The following SIPA1L2 variants were observed in gnomAD, a reference collection of about 807,000 sequenced individuals.
SIPA1L2 encodes the protein signal-induced proliferation-associated 1-like protein 2.
Under a neutral mutation model 163.9 loss-of-function variants are expected in SIPA1L2, and 56 were observed. The ratio of observed to expected loss-of-function variants is 0.34; its 90% CI spans 0.28 to 0.43. The LOEUF (loss-of-function observed/expected upper bound fraction) is 0.43. Among genes scored for constraint, SIPA1L2 ranks in the 20% least tolerant of loss-of-function variants. The pLI, the probability that SIPA1L2 is intolerant of heterozygous loss-of-function variation, is 1.00. For missense variants in SIPA1L2, 1,974 were observed against 2,193.5 expected (o/e 0.90, Z 2.00); for synonymous variants, 877 against 865.7 (o/e 1.01, Z -0.23).
intron 2 of SIPA1L2, among the ~76,000 whole-genome samples, chr1:232,531,091 G>C (rs1656891830): frequency 6.6e-6 from 1 of 152,128 alleles, no homozygotes; most frequent in Admixed American, 6.5e-5. Context: ...TAGGTGCCAA[G>C]CACTTTCTAA....
intron 1 of SIPA1L2, among the ~76,000 whole-genome samples, chr1:232,581,687 A>G (rs1485763393): frequency 2.6e-5 from 4 of 152,312 alleles, no homozygotes; most frequent in South Asian, 4.1e-4. Context: ...ATTCCTTAAT[A>G]TGGCCCAAGT....
At chr1:232,548,234 A>C (rs10495329) in intron 2 of SIPA1L2, among the ~76,000 whole-genome samples, 22,844 of 152,250 alleles carry the variant, frequency 0.15, 1,932 homozygotes, top group Middle Eastern at 0.32. Flanking sequence ...TGGATTCTAT[A>C]AAGCACAGAT....
chr1:232,441,930 C>T (rs1054469014), intron 12 of SIPA1L2, 62 bp from the exon 13 acceptor site: 43 of 1,395,758 alleles, frequency 3.1e-5, no homozygotes, highest in African/African-American at 5.7e-5. Flanking sequence ...AGCATGCACA[C>T]GGGAGTGCTG....
At chr1:232,529,544 C>A (rs925838835) in intron 2 of SIPA1L2, among the ~76,000 whole-genome samples, 18 of 152,268 alleles carry the variant, frequency 1.2e-4, no homozygotes, top group Non-Finnish European at 1.5e-5. Flanking sequence ...CTCAAGGGTG[C>A]CAGAATACAG....
Position 232,465,493 on chromosome 1 carries a change from T to TAC in SIPA1L2, c.2244-78_2244-77insGT, listed in dbSNP as rs1339800053. On this transcript the variant is annotated intron_variant, in intron 8 of 22. Coordinates refer to ENST00000674635, the MANE Select transcript of SIPA1L2 (RefSeq NM_020808.5). This position sits in a 1 kb window ranked among gnomAD's most constrained non-coding sequence, Gnocchi z 4.1. ...TGTATCTTTCCGAATTTGACATATATATACACACACACACACATATACATA... is the reference window on the plus strand; with the variant it reads ...TGTATCTTTCCGAATTTGACATATATACATACACACACACACACATATACATA... The TAC allele has an allele frequency of 8.3e-5, 94 of 1,134,948 alleles. 1 individual carries two copies. Among genetic ancestry groups the TAC allele is most frequent in the African/African-American group, 4.0e-4 (25 of 62,794 alleles). The allele number at this position is 1,134,948 out of a possible 1,614,324, so 70.3% of individuals were successfully genotyped here.
chr1:232,540,374 T>C (rs933514215), intron 2 of SIPA1L2, among the ~76,000 whole-genome samples: 4 of 152,138 alleles, frequency 2.6e-5, no homozygotes, highest in Admixed American at 6.5e-5. Flanking sequence ...GGCAATGAAG[T>C]GGCACCTTCA....
intron 8 of SIPA1L2, among the ~76,000 whole-genome samples, chr1:232,469,309 C>A (rs1664684596): frequency 6.6e-6 from 1 of 152,124 alleles, no homozygotes; most frequent in Non-Finnish European, 1.5e-5. Context: ...TATACCATTT[C>A]CTTGGAAATT....
intron 8 of SIPA1L2, among the ~76,000 whole-genome samples, chr1:232,470,283 A>G (rs1664736561): frequency 6.6e-6 from 1 of 152,192 alleles, no homozygotes; most frequent in Admixed American, 6.5e-5. Flanking sequence ...ATGACTATGG[A>G]GGGAAGTATA....
At position 232,452,327 on chromosome 1, in the gene SIPA1L2, T is replaced by A. The variant is rs952744917; in HGVS notation, c.3096-6541A>T. Among the ~76,000 whole-genome samples the A allele has an allele frequency of 3.9e-5, 6 of 152,144 alleles. No homozygotes were observed. The South Asian group carries it at 1.2e-3, about 32-fold the overall frequency. ...TGATCAGCAAAGAGGGGGTGTCCTA[T>A]CTTGCTCACAGTTAACAGACACCAC... On this transcript the variant is annotated intron_variant, in intron 10 of 22. Coordinates refer to ENST00000674635, the MANE Select transcript of SIPA1L2 (RefSeq NM_020808.5).
chr1:232,474,158 G>A (rs977029843), intron 7 of SIPA1L2, among the ~76,000 whole-genome samples: 3 of 152,192 alleles, frequency 2.0e-5, no homozygotes, highest in African/African-American at 7.2e-5. Context: ...GGGAATTGTA[G>A]GAATGACATC....
intron 1 of SIPA1L2, among the ~76,000 whole-genome samples, chr1:232,597,112 G>C (rs978998723): frequency 1.3e-5 from 2 of 152,134 alleles, no homozygotes; most frequent in Non-Finnish European, 2.9e-5. Context: ...GGTTCTATGA[G>C]CATCCCAGAA....
intron 2 of SIPA1L2, among the ~76,000 whole-genome samples, chr1:232,547,592 G>GGGGGCAGGGT (rs1658114265): frequency 6.7e-6 from 1 of 150,000 alleles, no homozygotes. Context: ...GGGGGCTGGG[G>GGGGGCAGGGT]GGGGCAGGGT....
chr1:232,484,430 T>C (rs1665542768), intron 5 of SIPA1L2, among the ~76,000 whole-genome samples: 2 of 152,244 alleles, frequency 1.3e-5, no homozygotes, highest in Non-Finnish European at 2.9e-5. Context: ...CTTGTAAATA[T>C]GTAAGACTAT....
chr1:232,454,331 A>G (rs1163182335), intron 10 of SIPA1L2, among the ~76,000 whole-genome samples: 1 of 152,204 alleles, frequency 6.6e-6, no homozygotes, highest in Non-Finnish European at 1.5e-5. Context: ...GCTATCTGGC[A>G]CTTACTAATT....
intron 1 of SIPA1L2, among the ~76,000 whole-genome samples, chr1:232,582,554 C>T (rs1020475672): frequency 1.3e-5 from 2 of 152,166 alleles, no homozygotes; most frequent in Admixed American, 6.5e-5. Flanking sequence ...ATTTAATCCA[C>T]CACTGATGGG....
chr1:232,443,867 G>A (rs1405368613), intron 11 of SIPA1L2, among the ~76,000 whole-genome samples, 182 bp from the exon 12 acceptor site: 1 of 152,138 alleles, frequency 6.6e-6, no homozygotes, highest in African/African-American at 2.4e-5. Context: ...TGATGCCCAG[G>A]GATATCAGTG....
Position 232,502,190 on chromosome 1 carries a change from C to T in SIPA1L2, c.1484-8530G>A, listed in dbSNP as rs561035625. On this transcript the variant is annotated intron_variant, in intron 3 of 22. Transcript: ENST00000674635. ...CCCTTTCTTAACCTCAGAATCCTCC[C>T]GGCTCCTAATGTATCTAATCCATAT... Among the ~76,000 whole-genome samples the T allele has an allele frequency of 4.6e-5, 7 of 152,254 alleles. No homozygotes were observed. In the East Asian group the frequency reaches 5.8e-4, roughly 13 times the overall value.
intron 4 of SIPA1L2, among the ~76,000 whole-genome samples, chr1:232,492,183 A>G (rs925252884): frequency 6.6e-6 from 1 of 152,098 alleles, no homozygotes; most frequent in African/African-American, 2.4e-5. Flanking sequence ...AGGGGTACAC[A>G]TGTTCATGCA....
chr1:232,405,493 A>G (rs1444443495), intron 19 of SIPA1L2, among the ~76,000 whole-genome samples: 1 of 152,172 alleles, frequency 6.6e-6, no homozygotes, highest in South Asian at 2.1e-4. Context: ...TTCTACTATG[A>G]TGTGACCTGC....
Sources: gnomAD v4.1 joint callset for allele counts (sites outside exome capture counted in the v4.1 genomes callset) on GRCh38, gnomAD v4.1.1 for gene constraint, Gnocchi (gnomAD v3.1) non-coding constraint, MANE v1.5 for transcripts, NCBI Gene and HGNC (gene_info 2026-07-23, HGNC 2026-07-21) for gene names.